SPTBN4: variants seen among roughly 807,000 people sequenced by gnomAD.
SPTBN4 encodes spectrin beta chain, non-erythrocytic 4.
SPTBN4 carries 96 observed loss-of-function variants against 277.8 expected under a neutral mutation model. The ratio of observed to expected loss-of-function variants is 0.35; its 90% CI spans 0.29 to 0.41. The LOEUF (loss-of-function observed/expected upper bound fraction) is 0.41, where lower values mean the gene tolerates loss of function less well. SPTBN4 is among the 10% of genes least tolerant of loss of function. The pLI is 1.00. For synonymous variants in SPTBN4, 1,481 were observed against 1,580.3 expected, an observed-to-expected ratio of 0.94 and a Z score of 1.49; for missense variants, 3,006 against 3,595.7, an observed-to-expected ratio of 0.84 and a Z score of 4.19.
At chr19:40,487,385 G>A (rs1327118184) in intron 2 of SPTBN4, among the ~76,000 whole-genome samples, 3 of 145,670 alleles carry the variant, frequency 2.1e-5, no homozygotes, top group Non-Finnish European at 1.5e-5. Context: ...TTGCTCTGTC[G>A]CCCAGGCCGG....
At chr19:40,552,862 A>G (rs1782426987) in intron 22 of SPTBN4, among the ~76,000 whole-genome samples, 1 of 152,222 alleles carries the variant, frequency 6.6e-6, no homozygotes, top group Non-Finnish European at 1.5e-5. Flanking sequence ...CTGTGTGTGC[A>G]GTGAGAGTGC....
chr19:40,502,057 G>C lies in SPTBN4; in HGVS notation c.897+24G>C. 6.2e-7 allele frequency: 1 copy of C among 1,614,008 alleles called. No homozygotes were observed. Among genetic ancestry groups the C allele is most frequent in the Non-Finnish European group, 8.5e-7 (1 of 1,179,984 alleles). On this transcript the variant is annotated intron_variant, in intron 8 of 35. Coordinates refer to ENST00000598249, the MANE Select transcript of SPTBN4 (RefSeq NM_020971.3). The surrounding 1 kb of genome is among the most constrained non-coding windows in gnomAD (Gnocchi z 4.9). ...AGGTATAAGGAGCCAAGGAGTGGGT[G>C]AGTGGGAAGCTGGAAGCTGGTGGCA...
chr19:40,532,184 T>C (rs1014636463), intron 18 of SPTBN4, among the ~76,000 whole-genome samples: 2 of 150,910 alleles, frequency 1.3e-5, no homozygotes, highest in Non-Finnish European at 3.0e-5. Context: ...TTGGTCCTTA[T>C]TGGGGGGTGG....
In SPTBN4 at chr19:40,504,063, G is replaced by A; in HGVS notation, c.1596G>A (p.Glu532=). Residue 532 remains glutamate, a synonymous_variant, in exon 12 of 36, where the codon GAG becomes GAA. Coordinates refer to ENST00000598249, the MANE Select transcript of SPTBN4 (RefSeq NM_020971.3). ...TGGGTGCCCGGCGGACACGACTTGA[G>A]CAGAACCTTGCCCTGCAGAAGGTCT... ...GLVGARRTRL[E]QNLALQKVFQ... 3 of 1,600,118 alleles carry A rather than the reference G, an allele frequency of 1.9e-6. No individual in the cohort carries two copies. The highest frequency in any genetic ancestry group is 2.6e-6 in the Non-Finnish European group (3 of 1,171,300).
intron 20 of SPTBN4, among the ~76,000 whole-genome samples, chr19:40,545,412 G>C (rs2080848161): frequency 6.6e-6 from 1 of 151,932 alleles, no homozygotes; most frequent in Non-Finnish European, 1.5e-5. Context: ...TATTTCTTTA[G>C]TTATATTACT....
chr19:40,574,264 C>T (rs1373961252), intron 35 of SPTBN4, among the ~76,000 whole-genome samples: 1 of 151,994 alleles, frequency 6.6e-6, no homozygotes, highest in Admixed American at 6.6e-5. Context: ...GAAGAGGAGT[C>T]TGAGAGAGGC....
At position 40,513,181 on chromosome 19, in the gene SPTBN4, GCCGGT is replaced by G; in HGVS notation, c.2393_2397del (p.Ala798GlyfsTer66). 6.7e-7 allele frequency: 1 copy of G among 1,502,148 alleles called. No homozygotes were observed. Among genetic ancestry groups the G allele is most frequent in the Non-Finnish European group, 8.8e-7 (1 of 1,134,006 alleles). The allele number at this position is 1,502,148 out of a possible 1,614,324, so 93.1% of individuals were successfully genotyped here. ...TCGCGACGCTTACCGCCTGGCAGCC[GCCGGT>G]GACTTCGGCCACGACGAAGCTTCCA... is the stretch of plus-strand genomic sequence containing the variant. On this transcript the variant is annotated frameshift_variant, in exon 14 of 36. Transcript: ENST00000598249. LOFTEE classifies it high-confidence loss of function.
chr19:40,532,396 G>T (rs1383097542), intron 18 of SPTBN4, among the ~76,000 whole-genome samples: 1 of 152,070 alleles, frequency 6.6e-6, no homozygotes, highest in Non-Finnish European at 1.5e-5. Context: ...GGGAGCAAAG[G>T]ATTGGGCATT....
Position 40,572,250 on chromosome 19 carries a change from G to A in SPTBN4, c.7493+58G>A, listed in dbSNP as rs2081162748. ...CAAGGCTCAGCTTCAACTCCCAGTG[G>A]GACCCTGGCTTCCCTGGGGGACACT... On this transcript the variant is annotated intron_variant, in intron 34 of 35. Coordinates refer to ENST00000598249, the MANE Select transcript of SPTBN4 (RefSeq NM_020971.3). 1.7e-5 allele frequency: 27 copies of A among 1,601,538 alleles called. No homozygotes were observed. In the South Asian group the frequency reaches 3.0e-4, roughly 18 times the overall value.
intron 2 of SPTBN4, among the ~76,000 whole-genome samples, chr19:40,481,557 C>A (rs1054228082): frequency 2.0e-5 from 3 of 152,108 alleles, no homozygotes; most frequent in African/African-American, 7.2e-5. Context: ...CTCACTGCAA[C>A]CCCCGCCTCC....
chr19:40,513,118 C>G lies in SPTBN4; in HGVS notation c.2329C>G (p.Gln777Glu). The G allele has an allele frequency of 6.8e-7, 1 of 1,465,122 alleles. No individual in the cohort carries two copies. Among genetic ancestry groups the G allele is most frequent in the Non-Finnish European group, 9.0e-7 (1 of 1,116,924 alleles). 90.8% of individuals were successfully genotyped at this position (1,465,122 alleles called of 1,614,324 possible). The change falls in exon 14 of 36, where the codon CAG (glutamine) becomes GAG (glutamate). Residue 777 changes from glutamine to glutamate, a missense_variant. Transcript: ENST00000598249. ...GCTGCAGGAGGCGCGGGCGCTGCAC[C>G]AGTTCGGCGCTGACCTCGACGGGCT... ...RRLQEARALHQFGADLDGLLD... is the reference protein window; with the variant it reads ...RRLQEARALHEFGADLDGLLD...
chr19:40,487,979 C>T, intron 3 of SPTBN4, 131 bp downstream of exon 3: 1 of 1,096,814 alleles, frequency 9.1e-7, no homozygotes. Flanking sequence ...TGGAAGGGCC[C>T]TGTGGGTAAG....
intron 5 of SPTBN4, among the ~76,000 whole-genome samples, chr19:40,493,282 G>A (rs1358309920): frequency 6.6e-6 from 1 of 152,130 alleles, no homozygotes; most frequent in African/African-American, 2.4e-5. Context: ...AACTTGCTCT[G>A]TCACCCAGGC....
intron 22 of SPTBN4, among the ~76,000 whole-genome samples, chr19:40,552,390 G>T (rs563960286): frequency 5.8e-4 from 86 of 149,560 alleles, no homozygotes; most frequent in African/African-American, 2.1e-3. Flanking sequence ...AGGAGGCGGA[G>T]GTTGCAGTGA....
chr19:40,531,605 T>G (rs940510018), intron 18 of SPTBN4, among the ~76,000 whole-genome samples: 16 of 146,540 alleles, frequency 1.1e-4, no homozygotes, highest in African/African-American at 2.5e-5. Context: ...AGTTCTGGCT[T>G]GGAGGATAAG....
At chr19:40,574,264 CTG>C (rs2081181174) in intron 35 of SPTBN4, among the ~76,000 whole-genome samples, 1 of 151,994 alleles carries the variant, frequency 6.6e-6, no homozygotes, top group Non-Finnish European at 1.5e-5. Flanking sequence ...GAAGAGGAGT[CTG>C]AGAGAGGCAA....
At position 40,490,886 on chromosome 19, in the gene SPTBN4, T is replaced by A. The variant is rs979970436; in HGVS notation, c.495+638T>A. On this transcript the variant is annotated intron_variant, in intron 4 of 35. Coordinates refer to ENST00000598249, the MANE Select transcript of SPTBN4 (RefSeq NM_020971.3). The surrounding 1 kb of genome is among the most constrained non-coding windows in gnomAD (Gnocchi z 4.3). ...AACATAATGAGACCTTAAATAAATT[T>A]AAAAAATTAGCCAGGCATGGTGGTG... 1.3e-5 allele frequency among the ~76,000 whole-genome samples: 2 copies of A among 151,828 alleles called. No individual in the cohort carries two copies. Among genetic ancestry groups the A allele is most frequent in the African/African-American group, 4.8e-5 (2 of 41,414 alleles).
At chr19:40,566,675 AAG>A (rs1413749114) in intron 30 of SPTBN4, among the ~76,000 whole-genome samples, 2 of 152,138 alleles carry the variant, frequency 1.3e-5, no homozygotes, top group African/African-American at 4.8e-5. Context: ...TAGTAATAAA[AAG>A]GATTAGGCCA....
chr19:40,575,014 CAAAAA>C (rs11458145), intron 35 of SPTBN4, among the ~76,000 whole-genome samples: 1 of 90,072 alleles, frequency 1.1e-5, no homozygotes. Flanking sequence ...GACTCTGTCT[CAAAAA>C]AAAAAAAAAA....
Sources: allele counts gnomAD v4.1 joint callset (sites outside exome capture counted in the v4.1 genomes callset), GRCh38; gene constraint gnomAD v4.1.1; non-coding constraint Gnocchi (gnomAD v3.1); transcripts MANE v1.5; gene names NCBI Gene and HGNC (gene_info 2026-07-23, HGNC 2026-07-21).